PPP3CA: variants seen among roughly 807,000 people sequenced by gnomAD.
PPP3CA encodes protein phosphatase 3 catalytic subunit alpha.
PPP3CA carries 14 observed loss-of-function variants against 66.5 expected under a neutral mutation model. The ratio of observed to expected loss-of-function variants is 0.21; its 90% CI spans 0.14 to 0.33. The LOEUF (loss-of-function observed/expected upper bound fraction) is 0.33, where lower values mean the gene tolerates loss of function less well. Among genes scored for constraint, PPP3CA ranks in the 10% least tolerant of loss-of-function variants. The probability of loss-of-function intolerance (pLI) is 1.00; values close to 1 mark genes in which losing one functional copy is unlikely to be tolerated. For synonymous variants in PPP3CA, 232 were observed against 226.2 expected (o/e 1.03, Z -0.23); for missense variants, 317 against 639.5 (o/e 0.50, Z 5.44).
chr4:101,091,864 T>TGAA (rs1207424618), intron 6 of PPP3CA, among the ~76,000 whole-genome samples: 1 of 139,236 alleles, frequency 7.2e-6, no homozygotes, highest in Non-Finnish European at 1.5e-5. Context: ...ATAATAATAA[T>TGAA]GAAGAAGAGG....
At chr4:101,091,188 ACT>A (rs148798259) in intron 6 of PPP3CA, among the ~76,000 whole-genome samples, 7,928 of 152,154 alleles carry the variant, frequency 0.052, 739 homozygotes, top group African/African-American at 0.18. Flanking sequence ...CTGAAGTATA[ACT>A]CTGTGATATC....
chr4:101,256,065 C>T (rs1726830685), intron 1 of PPP3CA, among the ~76,000 whole-genome samples: 1 of 151,838 alleles, frequency 6.6e-6, no homozygotes, highest in Non-Finnish European at 1.5e-5. Flanking sequence ...TTCTTTTCTG[C>T]CCCTGAACAG....
At chr4:101,164,440 A>G (rs1723622412) in intron 2 of PPP3CA, among the ~76,000 whole-genome samples, 1 of 152,288 alleles carries the variant, frequency 6.6e-6, no homozygotes, top group South Asian at 2.1e-4. Context: ...TACTTGTTGA[A>G]TATGTGTCAA....
intron 1 of PPP3CA, among the ~76,000 whole-genome samples, chr4:101,228,915 T>A (rs536246835): frequency 1.3e-5 from 2 of 151,790 alleles, no homozygotes; most frequent in East Asian, 3.9e-4. Flanking sequence ...GATACTGGTT[T>A]TGATTTTCCA....
At chr4:101,184,429 T>C (rs1481231232) in intron 2 of PPP3CA, among the ~76,000 whole-genome samples, 1 of 152,180 alleles carries the variant, frequency 6.6e-6, no homozygotes, top group African/African-American at 2.4e-5. Context: ...AAGTGGCAAT[T>C]GAGCACATGA....
intron 1 of PPP3CA, chr4:101,330,219 AT>A: frequency 2.4e-6 from 1 of 417,172 alleles, no homozygotes; most frequent in Non-Finnish European, 4.7e-6. Context: ...GTAACTGCAT[AT>A]GTGGTAGAAA....
At chr4:101,093,746 T>C in intron 6 of PPP3CA, 30 bp downstream of exon 6, 2 of 1,565,156 alleles carry the variant, frequency 1.3e-6, no homozygotes, top group Non-Finnish European at 1.7e-6. Context: ...GATGCAAACG[T>C]GTTCCAGAGA....
intron 1 of PPP3CA, among the ~76,000 whole-genome samples, chr4:101,259,069 A>G (rs1481291815): frequency 6.6e-6 from 1 of 152,122 alleles, no homozygotes; most frequent in East Asian, 1.9e-4. Context: ...TCTTCAGTTT[A>G]TATTTAAATA....
intron 1 of PPP3CA, among the ~76,000 whole-genome samples, chr4:101,303,121 A>C (rs1428580295): frequency 6.6e-6 from 1 of 152,238 alleles, no homozygotes; most frequent in African/African-American, 2.4e-5. Flanking sequence ...ACAAGGACAG[A>C]TTCTGTAATT....
chr4:101,257,034 CTTA>C (rs1726865061), intron 1 of PPP3CA, among the ~76,000 whole-genome samples: 1 of 151,938 alleles, frequency 6.6e-6, no homozygotes, highest in South Asian at 2.1e-4. Flanking sequence ...CTTAGTATTT[CTTA>C]TTATGGAACT....
At position 101,108,972 on chromosome 4, in the gene PPP3CA, T is replaced by C; in HGVS notation, c.366A>G (p.Arg122=). Reference sequence around the variant, plus strand: ...GACTTACTTCAATACTGAAGTACCCTCTGTCAACATAGTCCCCTAAGAAGA... The same window carrying C: ...GACTTACTTCAATACTGAAGTACCCCCTGTCAACATAGTCCCCTAAGAAGA... ...RYLFLGDYVD[R]GYFSIECVLY... The change falls in exon 3 of 14, where the codon AGA becomes AGG. Residue 122 remains arginine, a synonymous_variant. Coordinates refer to ENST00000394854, the MANE Select transcript of PPP3CA (RefSeq NM_000944.5). The C allele has an allele frequency of 6.2e-7, 1 of 1,613,784 alleles. No homozygotes were observed. Among genetic ancestry groups the C allele is most frequent in the Non-Finnish European group, 8.5e-7 (1 of 1,179,772 alleles).
intron 1 of PPP3CA, among the ~76,000 whole-genome samples, chr4:101,228,669 T>C (rs1456350898): frequency 1.3e-5 from 2 of 151,668 alleles, no homozygotes; most frequent in Admixed American, 1.3e-4. Flanking sequence ...TAGAGGCATG[T>C]ACTGCAATTC....
intron 1 of PPP3CA, among the ~76,000 whole-genome samples, chr4:101,241,026 G>C (rs1009229710): frequency 1.3e-5 from 2 of 151,782 alleles, no homozygotes; most frequent in Admixed American, 6.6e-5. Flanking sequence ...CACTACCACA[G>C]CTGGCTAATT....
At chr4:101,034,624 G>C (rs1326032178) in intron 11 of PPP3CA, among the ~76,000 whole-genome samples, 1 of 150,796 alleles carries the variant, frequency 6.6e-6, no homozygotes, top group Non-Finnish European at 1.5e-5. Flanking sequence ...AAAAATATTT[G>C]CCAAAAATAA....
chr4:101,032,259 C>G lies in PPP3CA; in HGVS notation c.1339+8G>C. 6.3e-7 allele frequency: 1 copy of G among 1,588,366 alleles called. No homozygotes were observed. Among genetic ancestry groups the G allele is most frequent in the Non-Finnish European group, 8.6e-7 (1 of 1,168,404 alleles). ...CCAGCACACAGTCATACCCATCAGC[C>G]TGCTTACCGCTTTGCAGGGTTTGCT... is the stretch of plus-strand genomic sequence containing the variant. On this transcript the variant is annotated splice_region_variant and intron_variant, in intron 12 of 13. Coordinates refer to ENST00000394854, the MANE Select transcript of PPP3CA (RefSeq NM_000944.5).
intron 2 of PPP3CA, among the ~76,000 whole-genome samples, chr4:101,170,448 T>C (rs1454412233): frequency 3.3e-5 from 5 of 151,964 alleles, no homozygotes; most frequent in Admixed American, 2.6e-4. Flanking sequence ...AGTCAGAATT[T>C]AAAAAGCAAA....
intron 5 of PPP3CA, among the ~76,000 whole-genome samples, chr4:101,095,794 G>A (rs997573423): frequency 6.6e-6 from 1 of 152,112 alleles, no homozygotes. Flanking sequence ...TGGGATTACA[G>A]GCGCGCGCCA....
intron 1 of PPP3CA, among the ~76,000 whole-genome samples, chr4:101,343,498 G>C (rs978965769): frequency 1.3e-5 from 2 of 152,092 alleles, no homozygotes; most frequent in Non-Finnish European, 2.9e-5. Flanking sequence ...TTTGCTGTAT[G>C]TATCTTTAAA....
In PPP3CA at chr4:101,165,145, G is replaced by A. The variant is rs550824584; in HGVS notation, c.259+30771C>T. ...AGCTGCTGCAGCAATAACAACAACA[G>A]CAACAAACTCAGCAAAAGCAGTTTA... On this transcript the variant is annotated intron_variant, in intron 2 of 13. Coordinates refer to ENST00000394854, the MANE Select transcript of PPP3CA (RefSeq NM_000944.5). 1.8e-3 allele frequency among the ~76,000 whole-genome samples: 278 copies of A among 152,098 alleles called. 1 individual carries two copies. Among genetic ancestry groups the A allele is most frequent in the African/African-American group, 6.1e-3 (252 of 41,492 alleles).
Sources: gnomAD v4.1 joint callset for allele counts (sites outside exome capture counted in the v4.1 genomes callset) on GRCh38, gnomAD v4.1.1 for gene constraint, MANE v1.5 for transcripts, NCBI Gene and HGNC (gene_info 2026-07-23, HGNC 2026-07-21) for gene names.